The following RC3H1 variants were observed in gnomAD, a reference collection of about 807,000 sequenced individuals.
The protein encoded by RC3H1 is ring finger and CCCH-type domains 1.
RC3H1 carries 50 observed loss-of-function variants against 138.2 expected under a neutral mutation model. The ratio of observed to expected loss-of-function variants is 0.36; its 90% CI spans 0.29 to 0.46. The LOEUF is 0.46. Ranked by LOEUF, RC3H1 falls within the 20% of genes least tolerant of loss-of-function variation. The pLI, the probability that RC3H1 is intolerant of heterozygous loss-of-function variation, is 1.00. For synonymous variants in RC3H1, 462 were observed against 489.1 expected (o/e 0.94, Z 0.73); for missense variants, 1,031 against 1,388.1 (o/e 0.74, Z 4.09).
intron 18 of RC3H1, chr1:173,941,589 A>C: frequency 2.2e-6 from 1 of 445,160 alleles, no homozygotes. Context: ...GGACAATAAG[A>C]CAGACAATGC....
Position 173,961,211 on chromosome 1 carries a change from G to A in RC3H1, c.2236C>T (p.Gln746Ter). 1 of 1,613,570 alleles carries A rather than the reference G, an allele frequency of 6.2e-7. No homozygotes were observed. The highest frequency in any genetic ancestry group is 8.5e-7 in the Non-Finnish European group (1 of 1,179,812). Residue 746 changes from glutamine (Q) to a stop codon, truncating the protein, a stop_gained, in exon 13 of 20, where the codon CAG (glutamine) becomes TAG (stop). Coordinates refer to ENST00000367696, the MANE Select transcript of RC3H1 (RefSeq NM_172071.4). LOFTEE classifies it high-confidence loss of function. ...AGTTCATCTAGACTAGGATGAGGCT[G>A]GGGAGGAGGAGGAAGCCGGCTATAA... ...PPYSRLPPPP[Q>*]PHPSLDELHR...
In RC3H1 at chr1:174,022,318, T is replaced by TTCCTCCTCC; in HGVS notation, c.-382_-374dup. On this transcript the variant is annotated 5_prime_UTR_variant, in exon 1 of 20. Transcript: ENST00000367696. This position sits in a 1 kb window ranked among gnomAD's most constrained non-coding sequence, Gnocchi z 4.2. The stretch of plus-strand genomic sequence containing the variant: ...GGCCATCTTGTTGCTCGGCCTCCTC[T>TTCCTCCTCC]TCCTCCTCCTCGTCCTCCGCCGCCC... 1 of 375,644 alleles carries TTCCTCCTCC rather than the reference T, an allele frequency of 2.7e-6. No individual in the cohort carries two copies. 23.3% of individuals were successfully genotyped at this position (375,644 alleles called of 1,614,324 possible). A position where few individuals can be genotyped will look rare whatever the true frequency, so the allele number is the denominator to read the frequency against.
chr1:173,993,707 T>A (rs960904544), intron 1 of RC3H1, among the ~76,000 whole-genome samples: 3 of 148,508 alleles, frequency 2.0e-5, no homozygotes, highest in East Asian at 4.2e-4. Context: ...CTCTAATTTT[T>A]AAAAAATAAA....
At position 173,937,219 on chromosome 1, in the gene RC3H1, G is replaced by C. The variant is rs1658641505; in HGVS notation, c.*1502C>G. 1 of 150,884 alleles carries C rather than the reference G, an allele frequency of 6.6e-6. No individual in the cohort carries two copies. Among genetic ancestry groups the C allele is most frequent in the South Asian group, 2.1e-4 (1 of 4,744 alleles). 9.3% of individuals were successfully genotyped at this position (150,884 alleles called of 1,614,324 possible). A position where few individuals can be genotyped will look rare whatever the true frequency, so the allele number is the denominator to read the frequency against. ...ACCCATTTGTTTAAGTTAACAGTAT[G>C]ATGGACACAGAGCTTAGACTGAGGT... On this transcript the variant is annotated 3_prime_UTR_variant, in exon 20 of 20. Transcript: ENST00000367696.
chr1:173,975,460 A>G (rs977622864), intron 7 of RC3H1, among the ~76,000 whole-genome samples: 2 of 152,186 alleles, frequency 1.3e-5, no homozygotes, highest in Non-Finnish European at 2.9e-5. Flanking sequence ...CAAATTCTAA[A>G]AGACTATCAA....
chr1:173,987,017 T>TG (rs1250596402), intron 2 of RC3H1, among the ~76,000 whole-genome samples: 1 of 152,154 alleles, frequency 6.6e-6, no homozygotes, highest in African/African-American at 2.4e-5. Flanking sequence ...ATGAGTATAT[T>TG]GGGGTTATGG....
intron 6 of RC3H1, among the ~76,000 whole-genome samples, chr1:173,979,890 G>A (rs112416152): frequency 0.052 from 7,895 of 151,970 alleles, 664 homozygotes; most frequent in African/African-American, 0.18. Flanking sequence ...ATTATGTACC[G>A]CCTTTTTATC....
At chr1:173,959,103 ATTATG>A (rs1659762263) in intron 13 of RC3H1, among the ~76,000 whole-genome samples, 1 of 152,122 alleles carries the variant, frequency 6.6e-6, no homozygotes, top group East Asian at 1.9e-4. Flanking sequence ...TCTATTCAGT[ATTATG>A]CTGGAGTCCA....
intron 13 of RC3H1, among the ~76,000 whole-genome samples, 195 bp from the exon 14 acceptor site, chr1:173,952,333 A>G (rs955963392): frequency 6.7e-6 from 1 of 149,902 alleles, no homozygotes; most frequent in Non-Finnish European, 1.5e-5. Flanking sequence ...AAAATATAAA[A>G]TAAGTGAAGA....
At chr1:173,965,448 GGGTGTGGT>G (rs1660071554) in intron 9 of RC3H1, among the ~76,000 whole-genome samples, 1 of 152,044 alleles carries the variant, frequency 6.6e-6, no homozygotes. Context: ...AAAATTAGCT[GGGTGTGGT>G]GGCGTGTGCC....
chr1:174,008,976 GA>G (rs59047478), intron 1 of RC3H1, among the ~76,000 whole-genome samples: 8,422 of 84,108 alleles, frequency 0.1, 652 homozygotes, highest in African/African-American at 0.25. Flanking sequence ...GACTTTGTCT[GA>G]AAAAAAAAAA....
intron 7 of RC3H1, among the ~76,000 whole-genome samples, chr1:173,974,173 C>T (rs59355797): frequency 0.017 from 2,575 of 149,750 alleles, 85 homozygotes; most frequent in African/African-American, 0.061. Flanking sequence ...CCAGCTACTC[C>T]GGAAGCCAAG....
chr1:173,956,102 G>C (rs1051046697), intron 13 of RC3H1, among the ~76,000 whole-genome samples: 1 of 144,456 alleles, frequency 6.9e-6, no homozygotes, highest in African/African-American at 2.7e-5. Context: ...CTGCACTCTA[G>C]CCTGGGCAAC....
At position 174,013,000 on chromosome 1, in the gene RC3H1, A is replaced by C. The variant is rs572562808; in HGVS notation, c.-151+9096T>G. 1.1e-4 allele frequency among the ~76,000 whole-genome samples: 16 copies of C among 152,144 alleles called. No homozygotes were observed. In the South Asian group the frequency reaches 3.3e-3, roughly 32 times the overall value. On this transcript the variant is annotated intron_variant, in intron 1 of 19. Coordinates refer to ENST00000367696, the MANE Select transcript of RC3H1 (RefSeq NM_172071.4). ...AATGCTGCAACATAAATTCTTTAAA[A>C]AAAGAAGGATCAAAAACAAAATAAA...
chr1:173,998,028 T>G (rs1299025797), intron 1 of RC3H1, among the ~76,000 whole-genome samples: 1 of 152,190 alleles, frequency 6.6e-6, no homozygotes, highest in Non-Finnish European at 1.5e-5. Flanking sequence ...CATGATTTAC[T>G]AAATACAATA....
intron 7 of RC3H1, among the ~76,000 whole-genome samples, chr1:173,975,082 T>C (rs1345347657): frequency 2.0e-5 from 3 of 152,170 alleles, no homozygotes; most frequent in African/African-American, 7.2e-5. Flanking sequence ...TATAAGATGA[T>C]AGATGCTGAG....
At chr1:173,992,699 C>CACACACAG (rs878958584) in intron 2 of RC3H1, 56 bp downstream of exon 2, 68 of 746,454 alleles carry the variant, frequency 9.1e-5, no homozygotes, top group African/African-American at 8.6e-4. Context: ...CACACACACA[C>CACACACAG]AGAGAGAGAG....
In RC3H1 at chr1:173,972,922, C is replaced by T. The variant is rs573194103; in HGVS notation, c.1103-295G>A. Among the ~76,000 whole-genome samples the T allele has an allele frequency of 6.6e-4, 100 of 152,258 alleles. 2 individuals carry two copies. In the South Asian group the frequency reaches 0.02, roughly 31 times the overall value. On this transcript the variant is annotated intron_variant, in intron 7 of 19. Transcript: ENST00000367696. ...ACTCTCAGTGTTGAGGAGACAACAA[C>T]GAGTGACAGGGACTGCTGAACTGGG...
chr1:173,998,718 T>G (rs1205117529), intron 1 of RC3H1, among the ~76,000 whole-genome samples: 1 of 152,194 alleles, frequency 6.6e-6, no homozygotes, highest in Non-Finnish European at 1.5e-5. Context: ...ATCTCTAAAC[T>G]TTTATCACTA....
Sources: allele counts gnomAD v4.1 joint callset (sites outside exome capture counted in the v4.1 genomes callset), GRCh38; gene constraint gnomAD v4.1.1; non-coding constraint Gnocchi (gnomAD v3.1); transcripts MANE v1.5; gene names NCBI Gene and HGNC (gene_info 2026-07-23, HGNC 2026-07-21).